Variants in GRIK2 observed in about 807,000 individuals in gnomAD.
GRIK2 encodes glutamate ionotropic receptor kainate type subunit 2, also known as glutamate receptor ionotropic, kainate 2.
GRIK2 carries 32 observed loss-of-function variants against 100.3 expected under a neutral mutation model. The observed-to-expected ratio is 0.32, with a 90% CI of 0.24 to 0.43. The LOEUF (loss-of-function observed/expected upper bound fraction) is 0.43, where lower values mean the gene tolerates loss of function less well. Ranked by LOEUF, GRIK2 falls within the 20% of genes least tolerant of loss-of-function variation. GRIK2 has a pLI of 1.00. For synonymous variants in GRIK2, 417 were observed against 389.4 expected (o/e 1.07, Z -0.83); for missense variants, 843 against 1,114.9 (o/e 0.76, Z 3.47).
chr6:101,401,281 G>A (rs758693968), intron 2 of GRIK2, among the ~76,000 whole-genome samples: 1 of 152,138 alleles, frequency 6.6e-6, no homozygotes, highest in Non-Finnish European at 1.5e-5. Flanking sequence ...TGAATCACTA[G>A]ATTGTTACAC....
At chr6:101,799,817 T>G in intron 8 of GRIK2, 26 bp downstream of exon 8, 1 of 1,581,706 alleles carries the variant, frequency 6.3e-7, no homozygotes, top group Non-Finnish European at 8.7e-7. Context: ...AACATCTGCC[T>G]TGTCTCTTTT....
At chr6:101,970,697 G>T (rs1792991718) in intron 14 of GRIK2, among the ~76,000 whole-genome samples, 1 of 144,322 alleles carries the variant, frequency 6.9e-6, no homozygotes, top group South Asian at 2.1e-4. Context: ...AATATTTACA[G>T]ATGTGAACAT....
chr6:101,931,902 C>G (rs542349032), intron 14 of GRIK2, among the ~76,000 whole-genome samples: 1 of 152,152 alleles, frequency 6.6e-6, no homozygotes, highest in South Asian at 2.1e-4. Context: ...TACTTGGAAT[C>G]TGGGAATTTA....
intron 7 of GRIK2, among the ~76,000 whole-genome samples, chr6:101,779,557 AT>A (rs1299969361): frequency 6.6e-6 from 1 of 152,194 alleles, no homozygotes; most frequent in Non-Finnish European, 1.5e-5. Context: ...TATTTTGGAA[AT>A]AAAAATAGCT....
chr6:101,646,452 C>G (rs181095645), intron 4 of GRIK2, among the ~76,000 whole-genome samples: 3 of 151,510 alleles, frequency 2.0e-5, no homozygotes, highest in Non-Finnish European at 4.4e-5. Context: ...CAGGAAAAAC[C>G]CTTAGTTATG....
chr6:101,446,209 C>G (rs1770364880), intron 2 of GRIK2, among the ~76,000 whole-genome samples: 1 of 151,802 alleles, frequency 6.6e-6, no homozygotes, highest in Non-Finnish European at 1.5e-5. Context: ...TGCTCTGTAT[C>G]TAGTTAGGCA....
intron 12 of GRIK2, among the ~76,000 whole-genome samples, chr6:101,922,818 G>T (rs939452136): frequency 2.6e-5 from 4 of 152,022 alleles, no homozygotes; most frequent in African/African-American, 9.7e-5. Flanking sequence ...AATTTAAAGC[G>T]GTAATATTTT....
intron 7 of GRIK2, among the ~76,000 whole-genome samples, chr6:101,696,833 C>A (rs1351857503): frequency 6.6e-6 from 1 of 151,814 alleles, no homozygotes; most frequent in Non-Finnish European, 1.5e-5. Context: ...AAAAGTTGAG[C>A]ATGATGAATT....
At chr6:101,494,971 T>TA (rs1773349547) in intron 2 of GRIK2, among the ~76,000 whole-genome samples, 11 of 107,956 alleles carry the variant, frequency 1.0e-4, no homozygotes, top group African/African-American at 3.9e-4. Flanking sequence ...ATATATGCAT[T>TA]TATATATATA....
chr6:101,978,559 G>A (rs1323908319), intron 14 of GRIK2, among the ~76,000 whole-genome samples: 1 of 151,588 alleles, frequency 6.6e-6, no homozygotes, highest in Non-Finnish European at 1.5e-5. Context: ...TTAATATCTT[G>A]TGTCATACAT....
intron 7 of GRIK2, among the ~76,000 whole-genome samples, chr6:101,783,992 G>T (rs1459352471): frequency 6.6e-6 from 1 of 152,198 alleles, no homozygotes; most frequent in Non-Finnish European, 1.5e-5. Flanking sequence ...GAGCATAAAG[G>T]TTTGGGAAAT....
At chr6:101,538,059 C>T (rs1582668004) in intron 2 of GRIK2, among the ~76,000 whole-genome samples, 2 of 151,908 alleles carry the variant, frequency 1.3e-5, no homozygotes, top group East Asian at 3.9e-4. Flanking sequence ...TTGAAACCAA[C>T]AAGACTGTTC....
chr6:102,013,359 T>C lies in GRIK2; in HGVS notation c.2086-21982T>C, dbSNP rs372292271. Among the ~76,000 whole-genome samples the C allele has an allele frequency of 5.9e-5, 9 of 152,320 alleles. 1 individual carries two copies. The highest frequency in any genetic ancestry group is 2.2e-4 in the African/African-American group (9 of 41,568). ...CTGAGAATGCAGAGCTTTCTAGATA[T>C]AGAATCATGTCATCTACAAACAGGG... On this transcript the variant is annotated intron_variant, in intron 14 of 16. Coordinates refer to ENST00000369134, the MANE Select transcript of GRIK2 (RefSeq NM_021956.5).
At chr6:101,808,709 T>C (rs1005967353) in intron 9 of GRIK2, among the ~76,000 whole-genome samples, 2 of 151,982 alleles carry the variant, frequency 1.3e-5, no homozygotes, top group Admixed American at 6.6e-5. Flanking sequence ...AGATAGGCTC[T>C]AATAAACCAT....
At chr6:101,948,472 G>A (rs1791410451) in intron 14 of GRIK2, among the ~76,000 whole-genome samples, 1 of 146,534 alleles carries the variant, frequency 6.8e-6, no homozygotes, top group Non-Finnish European at 1.5e-5. Context: ...CACATATATA[G>A]TTATAGTTAT....
chr6:101,402,401 C>G (rs969957028), intron 2 of GRIK2, among the ~76,000 whole-genome samples: 12 of 152,152 alleles, frequency 7.9e-5, no homozygotes, highest in Admixed American at 7.8e-4. Flanking sequence ...TGTCCTGTTT[C>G]CCCCTTAACC....
At chr6:101,429,644 G>A (rs570567703) in intron 2 of GRIK2, among the ~76,000 whole-genome samples, 2 of 152,248 alleles carry the variant, frequency 1.3e-5, no homozygotes, top group South Asian at 4.1e-4. Context: ...GAAGAAAAAT[G>A]TAACAGACTT....
chr6:101,656,610 G>A (rs189493018), intron 4 of GRIK2, among the ~76,000 whole-genome samples: 2 of 152,150 alleles, frequency 1.3e-5, no homozygotes, highest in East Asian at 1.9e-4. Flanking sequence ...AATTTAAATC[G>A]CCCTTTGATA....
At chr6:102,001,145 C>T (rs561644679) in intron 14 of GRIK2, among the ~76,000 whole-genome samples, 5 of 151,472 alleles carry the variant, frequency 3.3e-5, no homozygotes, top group South Asian at 4.2e-4. Flanking sequence ...CCCAAATGCC[C>T]GCTAGGTGCC....
Sources: allele counts gnomAD v4.1 joint callset (sites outside exome capture counted in the v4.1 genomes callset), GRCh38; gene constraint gnomAD v4.1.1; transcripts MANE v1.5; gene names NCBI Gene and HGNC (gene_info 2026-07-23, HGNC 2026-07-21).